The following PCBP3 variants were observed in gnomAD, a reference collection of about 807,000 sequenced individuals.
The protein encoded by PCBP3 is poly(rC) binding protein 3, also known as poly(rC)-binding protein 3.
Under a neutral mutation model 52.7 loss-of-function variants are expected in PCBP3, and 25 were observed. The ratio of observed to expected loss-of-function variants is 0.47; its 90% confidence interval spans 0.35 to 0.66. PCBP3 has a LOEUF of 0.66. PCBP3 is among the 30% of genes least tolerant of loss of function. PCBP3 has a pLI of 0.01. For missense variants in PCBP3, 391 were observed against 490.3 expected, an observed-to-expected ratio of 0.80 and a Z score of 1.91; for synonymous variants, 162 against 183.0, an observed-to-expected ratio of 0.89 and a Z score of 0.93.
chr21:45,911,532 T>G (rs992338268), intron 11 of PCBP3, among the ~76,000 whole-genome samples: 1 of 151,716 alleles, frequency 6.6e-6, no homozygotes, highest in Non-Finnish European at 1.5e-5. Context: ...GAAGTAGAGA[T>G]GGGTGAACAA....
At chr21:45,739,458 A>C (rs1303753860) in intron 3 of PCBP3, among the ~76,000 whole-genome samples, 298 of 33,232 alleles carry the variant, frequency 9.0e-3, no homozygotes, top group Middle Eastern at 0.05. Flanking sequence ...TCAGCCCACC[A>C]CTTCCTGTTT....
intron 2 of PCBP3, among the ~76,000 whole-genome samples, chr21:45,696,976 G>A (rs1291829704): frequency 6.6e-6 from 1 of 152,194 alleles, no homozygotes; most frequent in East Asian, 1.9e-4. Context: ...GTGTGAAAAA[G>A]ACAGAAAATG....
intron 5 of PCBP3, among the ~76,000 whole-genome samples, chr21:45,852,454 CACA>C (rs1271171736): frequency 4.5e-5 from 4 of 89,814 alleles, no homozygotes; most frequent in South Asian, 7.2e-4. Flanking sequence ...TCGGAAGGAA[CACA>C]GCCCTGTAGC....
At chr21:45,688,356 CAAT>C (rs1396893422) in intron 2 of PCBP3, among the ~76,000 whole-genome samples, 1 of 152,078 alleles carries the variant, frequency 6.6e-6, no homozygotes, top group East Asian at 1.9e-4. Flanking sequence ...AATTAGAAAT[CAAT>C]AATAAGGTTA....
intron 5 of PCBP3, chr21:45,869,070 T>C (rs748607764): frequency 6.6e-6 from 1 of 152,250 alleles, no homozygotes; most frequent in Non-Finnish European, 1.5e-5. Flanking sequence ...TTCTGGCAAG[T>C]AGAAATACAG....
intron 10 of PCBP3, among the ~76,000 whole-genome samples, chr21:45,910,257 C>A (rs1482356921): frequency 2.8e-5 from 4 of 140,952 alleles, no homozygotes; most frequent in South Asian, 2.4e-4. Flanking sequence ...CACTGCTCAC[C>A]TATGGATCCT....
rs9981581 is a variant in PCBP3 at position 45,710,584 on chromosome 21, A to T, written c.-199-24808A>T. ...TGGACACATGCTGCTATAACGACAC[A>T]TGCACACGTATGTTTATTGCGGCAC... On this transcript the variant is annotated intron_variant, in intron 2 of 17. Coordinates refer to ENST00000681687, the MANE Select transcript of PCBP3 (RefSeq NM_001384156.1). Among the ~76,000 whole-genome samples the T allele has an allele frequency of 6.7e-3, 1,026 of 152,308 alleles. 11 individuals are homozygous for T. The highest frequency in any genetic ancestry group is 0.023 in the African/African-American group (958 of 41,556).
intron 1 of PCBP3, among the ~76,000 whole-genome samples, chr21:45,645,217 G>C (rs1403754248): frequency 7.1e-6 from 1 of 141,386 alleles, no homozygotes; most frequent in Non-Finnish European, 1.5e-5. Context: ...CCGACTAACT[G>C]ATGTCTCACT....
intron 3 of PCBP3, among the ~76,000 whole-genome samples, chr21:45,748,428 G>T (rs2087109668): frequency 6.6e-6 from 1 of 152,232 alleles, no homozygotes; most frequent in Non-Finnish European, 1.5e-5. Flanking sequence ...GACTCCGGGA[G>T]CACTGAGCTA....
intron 9 of PCBP3, among the ~76,000 whole-genome samples, chr21:45,906,769 G>A (rs1350321286): frequency 1.3e-5 from 2 of 152,184 alleles, no homozygotes; most frequent in Non-Finnish European, 2.9e-5. Context: ...CCCGTTTTCA[G>A]GCAAAGTCTC....
intron 1 of PCBP3, among the ~76,000 whole-genome samples, chr21:45,663,460 C>A (rs2080556644): frequency 6.6e-6 from 1 of 152,082 alleles, no homozygotes; most frequent in Admixed American, 6.5e-5. Flanking sequence ...AACCCACCGA[C>A]CCTGTGGGGC....
chr21:45,894,505 T>A (rs1462923379), intron 5 of PCBP3, among the ~76,000 whole-genome samples: 2 of 152,246 alleles, frequency 1.3e-5, no homozygotes, highest in South Asian at 4.1e-4. Context: ...ACAGAGGTGC[T>A]TCTCAGGGGC....
rs2073717491 is a variant in PCBP3 at position 45,917,670 on chromosome 21, A to G, written c.717+41A>G. 4 of 1,506,992 alleles carry G rather than the reference A, an allele frequency of 2.7e-6. No individual in the cohort carries two copies. The highest frequency in any genetic ancestry group is 1.4e-5 in the African/African-American group (1 of 72,804). 93.4% of individuals were successfully genotyped at this position (1,506,992 alleles called of 1,614,324 possible). ...GTCTTCCTCTCACCTTTCTCTTCTC[A>G]TGGTTGTTTACCTACCTGCATGCTG... On this transcript the variant is annotated intron_variant, in intron 13 of 17. Transcript: ENST00000681687. The surrounding 1 kb of genome is among the most constrained non-coding windows in gnomAD (Gnocchi z 5.3).
At chr21:45,896,082 A>G (rs548457936) in intron 5 of PCBP3, 126 bp from the exon 6 acceptor site, 2 of 840,244 alleles carry the variant, frequency 2.4e-6, no homozygotes, top group East Asian at 2.7e-5. Context: ...TGGTCAGCAC[A>G]TGGTGGGTGG....
chr21:45,924,245 C>T (rs377239375), intron 13 of PCBP3, among the ~76,000 whole-genome samples: 2 of 135,794 alleles, frequency 1.5e-5, no homozygotes, highest in East Asian at 2.5e-4. Context: ...GGAACAGTCG[C>T]GTGGATAGAA....
intron 5 of PCBP3, among the ~76,000 whole-genome samples, chr21:45,889,199 G>A (rs2095594417): frequency 6.6e-6 from 1 of 152,188 alleles, no homozygotes; most frequent in African/African-American, 2.4e-5. Flanking sequence ...GCGCTCACAG[G>A]GGCTTCAGAG....
chr21:45,902,067 A>G (rs918183944), intron 9 of PCBP3, among the ~76,000 whole-genome samples: 1 of 152,120 alleles, frequency 6.6e-6, no homozygotes, highest in Non-Finnish European at 1.5e-5. Flanking sequence ...AGTGGGAGAG[A>G]AGAGGAGAGA....
At chr21:45,672,399 G>T (rs995776279) in intron 2 of PCBP3, among the ~76,000 whole-genome samples, 1 of 151,976 alleles carries the variant, frequency 6.6e-6, no homozygotes, top group East Asian at 1.9e-4. Flanking sequence ...GGGGTTAGGG[G>T]CTGCAAGATC....
At position 45,928,157 on chromosome 21, in the gene PCBP3, C is replaced by T. The variant is rs939462910; in HGVS notation, c.718-1760C>T. Among the ~76,000 whole-genome samples the T allele has an allele frequency of 1.3e-5, 2 of 152,228 alleles. No individual in the cohort carries two copies. The highest frequency in any genetic ancestry group is 1.3e-4 in the Admixed American group (2 of 15,288). ...TCCTCCTCCTGCCCCCGCAGGGCCTCGTGTATCTCCGGGAGGTAGACTGTC... is the reference window on the plus strand; with the variant it reads ...TCCTCCTCCTGCCCCCGCAGGGCCTTGTGTATCTCCGGGAGGTAGACTGTC... On this transcript the variant is annotated intron_variant, in intron 13 of 17. Coordinates refer to ENST00000681687, the MANE Select transcript of PCBP3 (RefSeq NM_001384156.1). The surrounding 1 kb of genome is among the most constrained non-coding windows in gnomAD (Gnocchi z 4.1).
Sources: allele counts gnomAD v4.1 joint callset (sites outside exome capture counted in the v4.1 genomes callset), GRCh38; gene constraint gnomAD v4.1.1; non-coding constraint Gnocchi (gnomAD v3.1); transcripts MANE v1.5; gene names NCBI Gene and HGNC (gene_info 2026-07-23, HGNC 2026-07-21).